The following FBXO25 variants were observed in gnomAD, a reference collection of about 807,000 sequenced individuals.
FBXO25 encodes the protein F-box only protein 25.
In FBXO25, 45 loss-of-function variants were observed where a neutral mutation model predicts 51.9. The ratio of observed to expected loss-of-function variants is 0.87; its 90% CI spans 0.68 to 1.11. FBXO25 has a LOEUF of 1.11. Among genes scored for constraint, FBXO25 ranks in the 50% most tolerant of loss-of-function variants. The probability of loss-of-function intolerance (pLI) is 0.00; values close to 1 mark genes in which losing one functional copy is unlikely to be tolerated. For synonymous variants in FBXO25, 199 were observed against 151.0 expected (o/e 1.32, Z -2.33); for missense variants, 507 against 428.5 (o/e 1.18, Z -1.62).
intron 7 of FBXO25, among the ~76,000 whole-genome samples, chr8:454,914 A>AAAG (rs1563092020): frequency 7.1e-6 from 1 of 140,318 alleles, no homozygotes; most frequent in African/African-American, 3.2e-5. Flanking sequence ...GAAAAAGAAA[A>AAAG]CAAAGAATGA....
chr8:449,962 C>G, intron 5 of FBXO25, 28 bp from the exon 6 acceptor site: 1 of 1,482,322 alleles, frequency 6.7e-7, no homozygotes, highest in Non-Finnish European at 9.4e-7. Context: ...ATATATATCG[C>G]TCAGCTTTTT....
At chr8:431,604 G>C (rs567166860) in intron 3 of FBXO25, among the ~76,000 whole-genome samples, 160 bp downstream of exon 3, 12 of 152,200 alleles carry the variant, frequency 7.9e-5, no homozygotes, top group Non-Finnish European at 1.8e-4. Context: ...ACTTTTTGCA[G>C]CTCAACCGTT....
chr8:456,833 T>G (rs1262033593), intron 7 of FBXO25, among the ~76,000 whole-genome samples: 2 of 152,192 alleles, frequency 1.3e-5, no homozygotes, highest in Non-Finnish European at 2.9e-5. Flanking sequence ...GTTTCCATTC[T>G]GAAGTCCCAG....
rs1438406536 is a variant in FBXO25, at chr8:476,466, G to A, written c.*7662G>A. 2 of 152,148 alleles carry A rather than the reference G, an allele frequency of 1.3e-5. No homozygotes were observed. The highest frequency in any genetic ancestry group is 4.8e-5 in the African/African-American group (2 of 41,430). The allele number at this position is 152,148 out of a possible 1,614,324, so 9.4% of individuals were successfully genotyped here. On this transcript the variant is annotated 3_prime_UTR_variant, in exon 10 of 10. Coordinates refer to ENST00000350302, the MANE Select transcript of FBXO25 (RefSeq NM_183420.2). ...GATTTAATTCTTCAGATGTTTGCCA[G>A]AATTCCCATATGACCCTGGGCTTTT...
At position 424,539 on chromosome 8, in the gene FBXO25, A is replaced by G. The variant is rs1308673940; in HGVS notation, c.135-6802A>G. On this transcript the variant is annotated intron_variant, in intron 2 of 9. Transcript: ENST00000350302. The stretch of plus-strand genomic sequence containing the variant: ...TAATATATTTTGAGTTAATTTTTGT[A>G]TATGCTGAAAGGTAGGGGTCTGGCT... 2.6e-5 allele frequency among the ~76,000 whole-genome samples: 4 copies of G among 152,102 alleles called. 1 individual carries two copies. Among genetic ancestry groups the G allele is most frequent in the South Asian group, 2.1e-4 (1 of 4,822 alleles).
At chr8:448,611 C>A (rs1187882784) in intron 5 of FBXO25, among the ~76,000 whole-genome samples, 1 of 152,236 alleles carries the variant, frequency 6.6e-6, no homozygotes, top group East Asian at 1.9e-4. Flanking sequence ...GTCCATCGGA[C>A]TGGATGTCAG....
intron 9 of FBXO25, among the ~76,000 whole-genome samples, chr8:466,598 C>T (rs1486087796): frequency 6.6e-6 from 1 of 152,146 alleles, no homozygotes; most frequent in Non-Finnish European, 1.5e-5. Context: ...TGGTCATGAG[C>T]CGACACCATG....
chr8:460,319 C>A (rs774680226), intron 8 of FBXO25, among the ~76,000 whole-genome samples: 1 of 152,104 alleles, frequency 6.6e-6, no homozygotes, highest in Non-Finnish European at 1.5e-5. Flanking sequence ...CACCCACATC[C>A]TAGAATAGTT....
At position 471,173 on chromosome 8, in the gene FBXO25, C is replaced by G. The variant is rs1427626470; in HGVS notation, c.*2369C>G. The G allele has an allele frequency of 6.6e-6, 1 of 152,202 alleles. No individual in the cohort carries two copies. Among genetic ancestry groups the G allele is most frequent in the East Asian group, 1.9e-4 (1 of 5,196 alleles). 9.4% of individuals were successfully genotyped at this position (152,202 alleles called of 1,614,324 possible). A position where few individuals can be genotyped will look rare whatever the true frequency, so the allele number is the denominator to read the frequency against. On this transcript the variant is annotated 3_prime_UTR_variant, in exon 10 of 10. Coordinates refer to ENST00000350302, the MANE Select transcript of FBXO25 (RefSeq NM_183420.2). ...TTCCACAGGCCATGGACACAGCTAG[C>G]CGCATTGCCACTGCATGGGTCACAG... is the stretch of plus-strand genomic sequence containing the variant.
chr8:457,067 C>G (rs1429522488), intron 7 of FBXO25, among the ~76,000 whole-genome samples: 1 of 152,180 alleles, frequency 6.6e-6, no homozygotes, highest in African/African-American at 2.4e-5. Context: ...CAGAAGGAAG[C>G]TAGCTCTCCT....
rs1257575538 is a variant in FBXO25 at position 436,151 on chromosome 8, T to C, written c.381+444T>C. 3.9e-5 allele frequency among the ~76,000 whole-genome samples: 6 copies of C among 152,208 alleles called. No individual in the cohort carries two copies. In the East Asian group the frequency reaches 5.8e-4, roughly 15 times the overall value. On this transcript the variant is annotated intron_variant, in intron 5 of 9. Coordinates refer to ENST00000350302, the MANE Select transcript of FBXO25 (RefSeq NM_183420.2). ...TAGAAAACAGGAATTTCATACAAAATAGAATTCCACAAAAGCCTTATTGCA... is the reference window on the plus strand; with the variant it reads ...TAGAAAACAGGAATTTCATACAAAACAGAATTCCACAAAAGCCTTATTGCA...
chr8:442,633 CTAATTTTTG>C (rs1798497430), intron 5 of FBXO25, among the ~76,000 whole-genome samples: 1 of 151,990 alleles, frequency 6.6e-6, no homozygotes, highest in African/African-American at 2.4e-5. Context: ...CCACGCCTGG[CTAATTTTTG>C]TAATTTTAGT....
At position 476,505 on chromosome 8, in the gene FBXO25, C is replaced by G. The variant is rs1213263642; in HGVS notation, c.*7701C>G. On this transcript the variant is annotated 3_prime_UTR_variant, in exon 10 of 10. Coordinates refer to ENST00000350302, the MANE Select transcript of FBXO25 (RefSeq NM_183420.2). ...CCCTGGGCTTTTCTTTCTTGGGAGG[C>G]TTTTCTTTACTACTTCATGCTCTTG... The G allele has an allele frequency of 1.3e-5, 2 of 152,050 alleles. No homozygotes were observed. Among genetic ancestry groups the G allele is most frequent in the Non-Finnish European group, 2.9e-5 (2 of 67,974 alleles). The allele number at this position is 152,050 out of a possible 1,614,324, so 9.4% of individuals were successfully genotyped here.
In FBXO25 at chr8:425,127, C is replaced by T. The variant is rs538061855; in HGVS notation, c.135-6214C>T. ...AACTTTATCAATCATCCCAGAAGCG[C>T]CCCCCGCCCCCCACATGTCCCATTT... On this transcript the variant is annotated intron_variant, in intron 2 of 9. Transcript: ENST00000350302. Among the ~76,000 whole-genome samples, 23 of 151,744 alleles carry T rather than the reference C, an allele frequency of 1.5e-4. No homozygotes were observed. The South Asian group carries it at 4.0e-3, about 26-fold the overall frequency.
rs190062578 is a variant in FBXO25 at position 465,327 on chromosome 8, G to C, written c.987+2177G>C. Among the ~76,000 whole-genome samples the C allele has an allele frequency of 5.3e-5, 8 of 152,320 alleles. No individual in the cohort carries two copies. In the East Asian group the frequency reaches 1.5e-3, roughly 29 times the overall value. ...ATACTGTAGTTTCTAATTTGAGTTA[G>C]TGCTTCTCCTAAGAGTTACTTGTCT... is the stretch of plus-strand genomic sequence containing the variant. On this transcript the variant is annotated intron_variant, in intron 9 of 9. Transcript: ENST00000350302.
chr8:415,527 G>T (rs1435723259), intron 2 of FBXO25, among the ~76,000 whole-genome samples: 1 of 152,158 alleles, frequency 6.6e-6, no homozygotes, highest in East Asian at 1.9e-4. Flanking sequence ...GTCGGCTGGG[G>T]TCCAGATTGA....
rs1032768127 is a variant in FBXO25, at chr8:474,656, G to A, written c.*5852G>A. ...GATGCTGAGTATCTGTTTGTTGGCCGTTTATATGTCGTCTTTGGAGAAATG... is the reference window on the plus strand; with the variant it reads ...GATGCTGAGTATCTGTTTGTTGGCCATTTATATGTCGTCTTTGGAGAAATG... On this transcript the variant is annotated 3_prime_UTR_variant, in exon 10 of 10. Coordinates refer to ENST00000350302, the MANE Select transcript of FBXO25 (RefSeq NM_183420.2). 1.4e-5 allele frequency: 6 copies of A among 442,912 alleles called. No individual in the cohort carries two copies. Among genetic ancestry groups the A allele is most frequent in the African/African-American group, 2.0e-5 (1 of 49,026 alleles). 27.4% of individuals were successfully genotyped at this position (442,912 alleles called of 1,614,324 possible). A position where few individuals can be genotyped will look rare whatever the true frequency, so the allele number is the denominator to read the frequency against.
Position 422,437 on chromosome 8 carries a change from T to G in FBXO25, c.135-8904T>G, listed in dbSNP as rs1004853317. Among the ~76,000 whole-genome samples, 47 of 152,160 alleles carry G rather than the reference T, an allele frequency of 3.1e-4. 1 individual carries two copies. The highest frequency in any genetic ancestry group is 3.3e-4 in the Admixed American group (5 of 15,286). On this transcript the variant is annotated intron_variant, in intron 2 of 9. Transcript: ENST00000350302. ...ACTCTTCTGGCATGGGGGGCCATGG[T>G]AGTGTGTCAGCTAAGTACAGTGTGG...
chr8:464,236 G>A lies in FBXO25; in HGVS notation c.987+1086G>A, dbSNP rs201994703. ...TTTCCAAAGTGCTGGGATTACAGGCGTGAGCCATGGCACCCGGCAATTATC... is the reference window on the plus strand; with the variant it reads ...TTTCCAAAGTGCTGGGATTACAGGCATGAGCCATGGCACCCGGCAATTATC... On this transcript the variant is annotated intron_variant, in intron 9 of 9. Coordinates refer to ENST00000350302, the MANE Select transcript of FBXO25 (RefSeq NM_183420.2). 1.7e-4 allele frequency among the ~76,000 whole-genome samples: 26 copies of A among 152,314 alleles called. No homozygotes were observed. In the East Asian group the frequency reaches 4.6e-3, roughly 27 times the overall value.
Sources: gnomAD v4.1 joint callset for allele counts (sites outside exome capture counted in the v4.1 genomes callset) on GRCh38, gnomAD v4.1.1 for gene constraint, MANE v1.5 for transcripts, NCBI Gene and HGNC (gene_info 2026-07-23, HGNC 2026-07-21) for gene names.